Variants in UNC5C observed in about 807,000 individuals in gnomAD.
The protein encoded by UNC5C is unc-5 netrin receptor C, also known as netrin receptor UNC5C.
In UNC5C, 47 loss-of-function variants were observed where a neutral mutation model predicts 99.8. The ratio of observed to expected loss-of-function variants is 0.47; its 90% confidence interval spans 0.37 to 0.60. UNC5C has a LOEUF of 0.60. Ranked by LOEUF, UNC5C falls within the 20% of genes least tolerant of loss-of-function variation. The pLI is 0.00. For synonymous variants in UNC5C, 487 were observed against 452.2 expected (o/e 1.08, Z -0.98); for missense variants, 1,062 against 1,165.9 (o/e 0.91, Z 1.30).
intron 1 of UNC5C, among the ~76,000 whole-genome samples, chr4:95,503,265 G>A (rs894092047): frequency 1.2e-4 from 19 of 152,026 alleles, no homozygotes; most frequent in African/African-American, 4.3e-4. Flanking sequence ...CTTTCACCAT[G>A]GAATAACACA....
At chr4:95,396,696 C>T (rs182364132) in intron 1 of UNC5C, among the ~76,000 whole-genome samples, 1 of 152,120 alleles carries the variant, frequency 6.6e-6, no homozygotes. Context: ...CAAGCCCACC[C>T]GTGGACCCAT....
At chr4:95,333,562 G>A (rs1348300087) in intron 2 of UNC5C, among the ~76,000 whole-genome samples, 4 of 129,836 alleles carry the variant, frequency 3.1e-5, no homozygotes, top group Non-Finnish European at 6.4e-5. Context: ...CACACTCTGC[G>A]GACTATTGTG....
intron 1 of UNC5C, among the ~76,000 whole-genome samples, chr4:95,414,021 A>T (rs956166432): frequency 5.9e-5 from 9 of 152,238 alleles, no homozygotes. Context: ...TAGTGGAGGC[A>T]CATGGGCAAC....
rs940475035 is a variant in UNC5C, at chr4:95,381,545, G to A, written c.125-45914C>T. Among the ~76,000 whole-genome samples the A allele has an allele frequency of 9.2e-5, 14 of 152,210 alleles. No individual in the cohort carries two copies. In the East Asian group the frequency reaches 1.7e-3, roughly 19 times the overall value. Reference sequence around the variant, plus strand: ...CCTCTACCACCATATATCACTGTCCGTGAGACAGTAAACTTGAGTGGTATT... The same window carrying A: ...CCTCTACCACCATATATCACTGTCCATGAGACAGTAAACTTGAGTGGTATT... On this transcript the variant is annotated intron_variant, in intron 1 of 15. Coordinates refer to ENST00000453304, the MANE Select transcript of UNC5C (RefSeq NM_003728.4).
rs1385320588 is a variant in UNC5C at position 95,219,859 on chromosome 4, A to C, written c.1300+126T>G. The C allele has an allele frequency of 3.9e-6, 4 of 1,026,882 alleles. No homozygotes were observed. In the East Asian group the frequency reaches 7.3e-5, roughly 19 times the overall value. The allele number at this position is 1,026,882 out of a possible 1,614,324, so 63.6% of individuals were successfully genotyped here. A position where few individuals can be genotyped will look rare whatever the true frequency, so the allele number is the denominator to read the frequency against. The stretch of plus-strand genomic sequence containing the variant: ...AATGACATCAATACAGTAATGAACA[A>C]AATTAACTCAAATTGCTGTCTTCAT... On this transcript the variant is annotated intron_variant, in intron 8 of 15. Transcript: ENST00000453304.
Position 95,243,987 on chromosome 4 carries a change from G to A in UNC5C, c.943+990C>T, listed in dbSNP as rs1195593595. On this transcript the variant is annotated intron_variant, in intron 6 of 15. Transcript: ENST00000453304. ...TAAAAGCTCTCAAAGGGCTCACTGT[G>A]GGAGACTGCTCTGACATTTGGAAAT... Among the ~76,000 whole-genome samples, 7 of 152,280 alleles carry A rather than the reference G, an allele frequency of 4.6e-5. No homozygotes were observed. The East Asian group carries it at 1.4e-3, about 29-fold the overall frequency.
chr4:95,465,864 C>T (rs551306939), intron 1 of UNC5C, among the ~76,000 whole-genome samples: 9 of 152,080 alleles, frequency 5.9e-5, no homozygotes, highest in Admixed American at 5.9e-4. Flanking sequence ...CCTGCCCGGG[C>T]CTTGGAACAT....
intron 7 of UNC5C, among the ~76,000 whole-genome samples, chr4:95,237,103 G>A (rs973249860): frequency 1.3e-5 from 2 of 152,038 alleles, no homozygotes; most frequent in Non-Finnish European, 2.9e-5. Context: ...TAAATAAATT[G>A]TTATACTGTA....
intron 7 of UNC5C, among the ~76,000 whole-genome samples, chr4:95,229,680 C>A (rs1458290788): frequency 6.6e-6 from 1 of 151,176 alleles, no homozygotes; most frequent in South Asian, 2.1e-4. Flanking sequence ...ATTTCTGGTT[C>A]TAGATCCTTG....
At chr4:95,294,192 T>C (rs980216099) in intron 3 of UNC5C, among the ~76,000 whole-genome samples, 2 of 152,230 alleles carry the variant, frequency 1.3e-5, no homozygotes, top group Non-Finnish European at 2.9e-5. Flanking sequence ...ACTAGAAAAG[T>C]GTAAACAGTA....
At chr4:95,523,566 G>T (rs1281574322) in intron 1 of UNC5C, among the ~76,000 whole-genome samples, 1 of 152,118 alleles carries the variant, frequency 6.6e-6, no homozygotes, top group East Asian at 1.9e-4. Flanking sequence ...GTACTAGAGA[G>T]GGAGAGAGAG....
chr4:95,459,399 G>A (rs1390120012), intron 1 of UNC5C, among the ~76,000 whole-genome samples: 1 of 152,090 alleles, frequency 6.6e-6, no homozygotes, highest in Non-Finnish European at 1.5e-5. Context: ...CCAGTAGTCA[G>A]TGTATTAAAA....
chr4:95,474,391 A>G (rs1467965744), intron 1 of UNC5C, among the ~76,000 whole-genome samples: 4 of 152,102 alleles, frequency 2.6e-5, no homozygotes, highest in Non-Finnish European at 5.9e-5. Flanking sequence ...CCTGGGTTCA[A>G]GCGATTCTCC....
chr4:95,405,369 C>A (rs1745806164), intron 1 of UNC5C, among the ~76,000 whole-genome samples: 1 of 152,134 alleles, frequency 6.6e-6, no homozygotes, highest in Non-Finnish European at 1.5e-5. Flanking sequence ...ACCTCTGTCA[C>A]ACGTCTTGTG....
chr4:95,168,634 C>T lies in UNC5C; in HGVS notation c.*600G>A, dbSNP rs1436483481. ...TTTTTTACACTTAGATTCTCCACTT[C>T]CCTGATACAAACAGTAACACTGGTT... On this transcript the variant is annotated 3_prime_UTR_variant, in exon 16 of 16. Coordinates refer to ENST00000453304, the MANE Select transcript of UNC5C (RefSeq NM_003728.4). 1 of 152,604 alleles carries T rather than the reference C, an allele frequency of 6.6e-6. No homozygotes were observed. Among genetic ancestry groups the T allele is most frequent in the African/African-American group, 2.4e-5 (1 of 41,422 alleles). The allele number at this position is 152,604 out of a possible 1,614,324, so 9.5% of individuals were successfully genotyped here. A position where few individuals can be genotyped will look rare whatever the true frequency, so the allele number is the denominator to read the frequency against.
chr4:95,503,828 C>T (rs1721840823), intron 1 of UNC5C, among the ~76,000 whole-genome samples: 1 of 152,048 alleles, frequency 6.6e-6, no homozygotes, highest in South Asian at 2.1e-4. Flanking sequence ...TCAGTTAAGA[C>T]CGCTTCCATC....
intron 1 of UNC5C, among the ~76,000 whole-genome samples, chr4:95,512,656 C>T (rs1004635479): frequency 1.3e-5 from 2 of 152,116 alleles, no homozygotes; most frequent in Non-Finnish European, 2.9e-5. Context: ...AATTTACCAT[C>T]TCTGACATTT....
At chr4:95,175,646 A>G (rs962576999) in intron 14 of UNC5C, among the ~76,000 whole-genome samples, 2 of 152,052 alleles carry the variant, frequency 1.3e-5, no homozygotes, top group Non-Finnish European at 2.9e-5. Flanking sequence ...TTTGTGGGTA[A>G]CCCGACCTTT....
intron 14 of UNC5C, among the ~76,000 whole-genome samples, chr4:95,174,226 TG>T (rs1452208920): frequency 1.3e-5 from 2 of 152,140 alleles, no homozygotes; most frequent in African/African-American, 4.8e-5. Flanking sequence ...AAGGGTTTTT[TG>T]TGTCTCTATT....
Sources: gnomAD v4.1 joint callset for allele counts (sites outside exome capture counted in the v4.1 genomes callset) on GRCh38, gnomAD v4.1.1 for gene constraint, MANE v1.5 for transcripts, NCBI Gene and HGNC (gene_info 2026-07-23, HGNC 2026-07-21) for gene names.